Variants in KALRN observed in about 807,000 individuals in gnomAD.
KALRN encodes the protein kalirin RhoGEF kinase, also known as kalirin.
Under a neutral mutation model 353.7 loss-of-function variants are expected in KALRN, and 70 were observed. The observed-to-expected ratio is 0.20, with a 90% CI of 0.16 to 0.24. The LOEUF is 0.24. KALRN is among the 10% of genes least tolerant of loss of function. KALRN has a pLI of 1.00. For missense variants in KALRN, 2,791 were observed against 3,756.7 expected (o/e 0.74, Z 6.72); for synonymous variants, 1,391 against 1,434.8 (o/e 0.97, Z 0.69).
chr3:124,179,382 T>C (rs2073243779), intron 1 of KALRN, among the ~76,000 whole-genome samples: 1 of 152,206 alleles, frequency 6.6e-6, no homozygotes, highest in Non-Finnish European at 1.5e-5. Flanking sequence ...CCTCCACATC[T>C]TGTCTCACTG....
chr3:124,630,773 C>T (rs2080681641), intron 34 of KALRN, among the ~76,000 whole-genome samples: 1 of 152,058 alleles, frequency 6.6e-6, no homozygotes, highest in South Asian at 2.1e-4. Context: ...CAAGCATATA[C>T]GATTGAAAAT....
At chr3:124,584,407 A>T (rs1875363) in intron 34 of KALRN, among the ~76,000 whole-genome samples, 19,045 of 151,982 alleles carry the variant, frequency 0.13, 2,699 homozygotes, top group East Asian at 0.43. Flanking sequence ...ATCTAGTTGT[A>T]TTTTTTAAGC....
chr3:124,695,091 G>A (rs2061990049), intron 53 of KALRN, among the ~76,000 whole-genome samples: 1 of 151,860 alleles, frequency 6.6e-6, no homozygotes, highest in South Asian at 2.1e-4. Flanking sequence ...ACAGTGAGAT[G>A]TTTAATTCCT....
chr3:124,496,029 A>G (rs2063806580), intron 32 of KALRN, among the ~76,000 whole-genome samples: 1 of 130,342 alleles, frequency 7.7e-6, no homozygotes, highest in African/African-American at 2.8e-5. Context: ...ACATATATAC[A>G]TACATACACC....
At chr3:124,234,239 C>A (rs1051014156) in intron 2 of KALRN, among the ~76,000 whole-genome samples, 1 of 152,172 alleles carries the variant, frequency 6.6e-6, no homozygotes, top group Non-Finnish European at 1.5e-5. Flanking sequence ...TGACAGGTGG[C>A]ACCTCAGGCA....
intron 10 of KALRN, among the ~76,000 whole-genome samples, chr3:124,371,059 C>T (rs181623798): frequency 6.6e-6 from 1 of 152,206 alleles, no homozygotes; most frequent in Admixed American, 6.5e-5. Flanking sequence ...TCCACCCAAG[C>T]TTCACCATAA....
At chr3:124,616,302 T>C (rs1394720943) in intron 34 of KALRN, among the ~76,000 whole-genome samples, 2 of 152,342 alleles carry the variant, frequency 1.3e-5, no homozygotes, top group East Asian at 3.9e-4. Flanking sequence ...AGGTTACTAC[T>C]GAAGGGCACA....
intron 1 of KALRN, among the ~76,000 whole-genome samples, chr3:124,056,928 AG>A (rs2041604285): frequency 6.6e-6 from 1 of 152,208 alleles, no homozygotes; most frequent in African/African-American, 2.4e-5. Context: ...TTCCTCTCTT[AG>A]TCTATAAAGA....
intron 48 of KALRN, among the ~76,000 whole-genome samples, chr3:124,673,785 G>A (rs547974495): frequency 6.6e-6 from 1 of 152,256 alleles, no homozygotes; most frequent in Admixed American, 6.5e-5. Context: ...TTAATGAGTA[G>A]GGGAGGGTAC....
chr3:124,664,358 TGTGTGTGTGTGTGC>T (rs1459075945), intron 45 of KALRN, among the ~76,000 whole-genome samples: 3 of 123,116 alleles, frequency 2.4e-5, no homozygotes, highest in African/African-American at 3.5e-5. Flanking sequence ...TGTGTGTGTG[TGTGTGTGTGTGTGC>T]GCGCGCGCGC....
At chr3:124,204,496 C>T (rs2076235131) in intron 1 of KALRN, among the ~76,000 whole-genome samples, 1 of 152,252 alleles carries the variant, frequency 6.6e-6, no homozygotes, top group African/African-American at 2.4e-5. Flanking sequence ...CCTGTAACCA[C>T]TCCATAAGCT....
At chr3:124,321,031 C>G (rs139190628) in intron 6 of KALRN, among the ~76,000 whole-genome samples, 9 of 152,284 alleles carry the variant, frequency 5.9e-5, no homozygotes, top group African/African-American at 2.2e-4. Context: ...TTTACTAATA[C>G]TTTGATTTGG....
chr3:124,233,605 G>T (rs938795320), intron 2 of KALRN, among the ~76,000 whole-genome samples: 4 of 152,136 alleles, frequency 2.6e-5, no homozygotes, highest in African/African-American at 9.7e-5. Context: ...ATTCTGGATT[G>T]ATTTTTTTGT....
At chr3:124,681,962 G>C (rs1236690472) in intron 51 of KALRN, among the ~76,000 whole-genome samples, 2 of 152,188 alleles carry the variant, frequency 1.3e-5, no homozygotes, top group Non-Finnish European at 2.9e-5. Context: ...TGTGTTGCCA[G>C]CTTCAAATTA....
At chr3:124,222,318 C>A (rs2078005477) in intron 1 of KALRN, among the ~76,000 whole-genome samples, 1 of 152,142 alleles carries the variant, frequency 6.6e-6, no homozygotes, top group East Asian at 1.9e-4. Context: ...ATCTACCTCC[C>A]AGATAGCTTT....
At chr3:124,291,292 G>A (rs1412680036) in intron 5 of KALRN, among the ~76,000 whole-genome samples, 1 of 152,204 alleles carries the variant, frequency 6.6e-6, no homozygotes, top group Non-Finnish European at 1.5e-5. Context: ...CACCACCTCA[G>A]GGATGTCCAA....
intron 1 of KALRN, among the ~76,000 whole-genome samples, chr3:124,112,202 C>A (rs1395828095): frequency 6.6e-6 from 1 of 150,612 alleles, no homozygotes; most frequent in Admixed American, 6.7e-5. Context: ...ACTTGAGAGG[C>A]TGAGGTATGA....
Position 124,633,968 on chromosome 3 carries a change from C to T in KALRN, c.5568+15C>T. The T allele has an allele frequency of 6.2e-7, 1 of 1,604,060 alleles. No homozygotes were observed. Among genetic ancestry groups the T allele is most frequent in the Non-Finnish European group, 8.5e-7 (1 of 1,171,350 alleles). ...AGGATGAAATGGTAGAACTTCTTTA[C>T]TTGCTCACTTAAAAGAGCAACGTGC... On this transcript the variant is annotated intron_variant, in intron 36 of 59. Transcript: ENST00000682506.
intron 3 of KALRN, among the ~76,000 whole-genome samples, chr3:124,258,120 T>C (rs546918232): frequency 6.6e-5 from 10 of 152,268 alleles, no homozygotes; most frequent in Admixed American, 1.3e-4. Flanking sequence ...CGGGAGTTGG[T>C]TGGCCAGAGA....
Sources: allele counts gnomAD v4.1 joint callset (sites outside exome capture counted in the v4.1 genomes callset), GRCh38; gene constraint gnomAD v4.1.1; transcripts MANE v1.5; gene names NCBI Gene and HGNC (gene_info 2026-07-23, HGNC 2026-07-21).